The following ZSCAN25 variants were observed in gnomAD, a reference collection of about 807,000 sequenced individuals.
ZSCAN25 encodes the protein zinc finger and SCAN domain-containing protein 25.
ZSCAN25 carries 27 observed loss-of-function variants against 38.7 expected under a neutral mutation model. That is an observed-to-expected ratio of 0.70 (90% confidence interval 0.51 to 0.96). ZSCAN25 has a LOEUF of 0.96. Ranked by LOEUF, ZSCAN25 falls within the 40% of genes least tolerant of loss-of-function variation. The probability of loss-of-function intolerance (pLI) is 0.00; values close to 1 mark genes in which losing one functional copy is unlikely to be tolerated. For synonymous variants in ZSCAN25, 273 were observed against 277.7 expected (o/e 0.98, Z 0.17); for missense variants, 637 against 705.9 (o/e 0.90, Z 1.11).
chr7:99,708,004 G>A, the ZSCAN25 span: 1 of 1,613,478 alleles, frequency 6.2e-7, no homozygotes, highest in Admixed American at 1.7e-5. Context: ...TATTTTAAAA[G>A]TTAAAGACAT....
rs1807922890 is a variant in ZSCAN25 at position 99,630,594 on chromosome 7, C to T, written c.*574C>T. 5 of 986,426 alleles carry T rather than the reference C, an allele frequency of 5.1e-6. No homozygotes were observed. The highest frequency in any genetic ancestry group is 1.7e-5 in the African/African-American group (1 of 57,358). 61.1% of individuals were successfully genotyped at this position (986,426 alleles called of 1,614,324 possible). ...TCTCAGGGTATCTGTGCTGTGTGCCCGTGAGAACATCTTCCCATGACCACT... is the reference window on the plus strand; with the variant it reads ...TCTCAGGGTATCTGTGCTGTGTGCCTGTGAGAACATCTTCCCATGACCACT... On this transcript the variant is annotated 3_prime_UTR_variant, in exon 8 of 8. Coordinates refer to ENST00000394152, the MANE Select transcript of ZSCAN25 (RefSeq NM_145115.3).
chr7:99,727,361 T>G, the ZSCAN25 span, among the ~76,000 whole-genome samples: 2 of 152,144 alleles, frequency 1.3e-5, no homozygotes, highest in African/African-American at 2.4e-5. Context: ...CTCCATACAG[T>G]TCTCATAACT....
chr7:99,622,699 C>T, intron 6 of ZSCAN25, 59 bp downstream of exon 6: 1 of 1,521,366 alleles, frequency 6.6e-7, no homozygotes. Flanking sequence ...GGTTCACCTT[C>T]CCCAAGGTTT....
chr7:99,660,694 GGTCAAC>G, the ZSCAN25 span: 1 of 1,610,248 alleles, frequency 6.2e-7, no homozygotes, highest in Non-Finnish European at 8.5e-7. Flanking sequence ...AGGTAAATCA[GGTCAAC>G]GTACAACATC....
intron 7 of ZSCAN25, among the ~76,000 whole-genome samples, chr7:99,626,629 A>G (rs1283429674): frequency 2.0e-5 from 3 of 152,188 alleles, no homozygotes; most frequent in Non-Finnish European, 4.4e-5. Context: ...TGTCAGAAAG[A>G]GAGGGAAGCA....
the ZSCAN25 span, among the ~76,000 whole-genome samples, chr7:99,685,459 A>G: frequency 6.6e-6 from 1 of 152,238 alleles, no homozygotes; most frequent in Non-Finnish European, 1.5e-5. Context: ...CTAAAAGATC[A>G]ATAACAAGGG....
chr7:99,680,047 G>T, the ZSCAN25 span: 19 of 678,486 alleles, frequency 2.8e-5, no homozygotes, highest in Non-Finnish European at 5.0e-5. Flanking sequence ...AGGAGGCAGG[G>T]CTATAGCTGC....
chr7:99,729,683 A>G, the ZSCAN25 span, among the ~76,000 whole-genome samples: 12 of 152,198 alleles, frequency 7.9e-5, no homozygotes, highest in Non-Finnish European at 8.8e-5. Flanking sequence ...ACCTGGTGAC[A>G]TTCTTCTCTG....
At chr7:99,628,608 T>C (rs1160547511) in intron 7 of ZSCAN25, among the ~76,000 whole-genome samples, 1 of 152,162 alleles carries the variant, frequency 6.6e-6, no homozygotes, top group African/African-American at 2.4e-5. Flanking sequence ...AGCCAGCAGT[T>C]AGCAAGCATC....
At chr7:99,628,969 C>A (rs182668539) in intron 7 of ZSCAN25, among the ~76,000 whole-genome samples, 4 of 152,218 alleles carry the variant, frequency 2.6e-5, no homozygotes, top group African/African-American at 9.6e-5. Context: ...TCTAGATTAG[C>A]AGCAAGATAA....
At chr7:99,709,386 C>T in the ZSCAN25 span, 1 of 1,415,362 alleles carries the variant, frequency 7.1e-7, no homozygotes, top group Non-Finnish European at 9.7e-7. Context: ...AGGATTGTAG[C>T]ATTCATAAAG....
the ZSCAN25 span, among the ~76,000 whole-genome samples, chr7:99,684,771 C>T: frequency 2.0e-5 from 3 of 152,084 alleles, no homozygotes; most frequent in African/African-American, 7.2e-5. Flanking sequence ...ACTGTTAGAG[C>T]CATCAAAATA....
chr7:99,671,074 A>G, the ZSCAN25 span: 3 of 151,764 alleles, frequency 2.0e-5, no homozygotes, highest in Admixed American at 2.0e-4. Context: ...ATTTTTGCTT[A>G]TCTGTGGTGG....
the ZSCAN25 span, among the ~76,000 whole-genome samples, chr7:99,688,164 C>G: frequency 1.3e-5 from 2 of 152,186 alleles, no homozygotes; most frequent in African/African-American, 4.8e-5. Context: ...CAAATTCACA[C>G]ATAACAATAT....
chr7:99,737,745 G>T, the ZSCAN25 span, among the ~76,000 whole-genome samples: 1 of 152,180 alleles, frequency 6.6e-6, no homozygotes, highest in Non-Finnish European at 1.5e-5. Context: ...TGGTGTGACT[G>T]GTTGGAATCT....
the ZSCAN25 span, among the ~76,000 whole-genome samples, chr7:99,656,999 C>G: frequency 1.3e-5 from 2 of 152,102 alleles, no homozygotes; most frequent in African/African-American, 2.4e-5. Context: ...TGCTAGCATT[C>G]TATCAATTTT....
chr7:99,633,171 T>C (rs1442030239), downstream of ZSCAN25, among the ~76,000 whole-genome samples: 1 of 152,112 alleles, frequency 6.6e-6, no homozygotes, highest in African/African-American at 2.4e-5. Context: ...CATTTTCTGT[T>C]TGCATACCCA....
the ZSCAN25 span, among the ~76,000 whole-genome samples, chr7:99,669,122 A>G: frequency 6.6e-6 from 1 of 152,222 alleles, no homozygotes; most frequent in Non-Finnish European, 1.5e-5. Context: ...CTTAAAAAGA[A>G]AACCCTAAAA....
intron 7 of ZSCAN25, among the ~76,000 whole-genome samples, chr7:99,628,395 T>G (rs1807679392): frequency 1.3e-5 from 2 of 152,220 alleles, no homozygotes; most frequent in African/African-American, 2.4e-5. Context: ...ACCTTTTCTT[T>G]TCTTTTTTTC....
Sources: allele counts gnomAD v4.1 joint callset (sites outside exome capture counted in the v4.1 genomes callset), GRCh38; gene constraint gnomAD v4.1.1; transcripts MANE v1.5; gene names NCBI Gene and HGNC (gene_info 2026-07-23, HGNC 2026-07-21).